CPNE4: variants seen among roughly 807,000 people sequenced by gnomAD.
CPNE4 encodes the protein copine 4.
A neutral mutation model predicts 67.9 loss-of-function variants in CPNE4; 25 were observed. The observed-to-expected ratio is 0.37, with a 90% CI of 0.27 to 0.51. CPNE4 has a LOEUF of 0.51. Among genes scored for constraint, CPNE4 ranks in the 20% least tolerant of loss-of-function variants. CPNE4 has a pLI of 0.93. For synonymous variants in CPNE4, 242 were observed against 244.9 expected, an observed-to-expected ratio of 0.99 and a Z score of 0.11; for missense variants, 464 against 690.8, an observed-to-expected ratio of 0.67 and a Z score of 3.68.
intron 2 of CPNE4, among the ~76,000 whole-genome samples, chr3:131,875,693 AG>A (rs565443092): frequency 7.3e-6 from 1 of 137,140 alleles, no homozygotes; most frequent in Non-Finnish European, 1.6e-5. Context: ...GGGTGGGGGG[AG>A]GGGGGAGGGA....
intron 2 of CPNE4, among the ~76,000 whole-genome samples, chr3:131,730,572 A>T (rs1206876557): frequency 6.6e-6 from 1 of 152,156 alleles, no homozygotes; most frequent in Non-Finnish European, 1.5e-5. Flanking sequence ...TTAACTTAGG[A>T]TAAGGTCATA....
At chr3:131,686,334 A>G (rs1000599019) in intron 5 of CPNE4, among the ~76,000 whole-genome samples, 4 of 152,254 alleles carry the variant, frequency 2.6e-5, no homozygotes, top group African/African-American at 9.6e-5. Flanking sequence ...AAACAGGTTC[A>G]TTATAGTTAT....
chr3:132,000,942 C>G (rs926921815), intron 1 of CPNE4, among the ~76,000 whole-genome samples: 2 of 151,402 alleles, frequency 1.3e-5, no homozygotes, highest in African/African-American at 4.9e-5. Flanking sequence ...TAGAATCAAT[C>G]ACATTTTACA....
chr3:131,709,443 A>G (rs1385030429), intron 3 of CPNE4, among the ~76,000 whole-genome samples: 2 of 152,134 alleles, frequency 1.3e-5, no homozygotes, highest in African/African-American at 2.4e-5. Context: ...TGGGGACCCA[A>G]TCATTTAAAT....
intron 1 of CPNE4, among the ~76,000 whole-genome samples, chr3:131,923,993 C>T (rs889082203): frequency 4.6e-5 from 7 of 152,126 alleles, no homozygotes; most frequent in African/African-American, 7.2e-5. Context: ...CTGACTCTTA[C>T]GTGGCCCAGC....
At chr3:132,035,610 G>A (rs1459154681), upstream of CPNE4, among the ~76,000 whole-genome samples, 1 of 152,094 alleles carries the variant, frequency 6.6e-6, no homozygotes, top group Non-Finnish European at 1.5e-5. Context: ...CTTATGTAAG[G>A]GGTGACCACT....
intron 2 of CPNE4, among the ~76,000 whole-genome samples, chr3:131,763,596 C>G (rs1017773734): frequency 2.0e-5 from 3 of 152,110 alleles, no homozygotes; most frequent in Non-Finnish European, 2.9e-5. Context: ...AATTGTGCTT[C>G]TGGCTCTCTA....
chr3:131,609,835 G>A (rs1461817566), intron 7 of CPNE4, among the ~76,000 whole-genome samples: 1 of 152,006 alleles, frequency 6.6e-6, no homozygotes, highest in Non-Finnish European at 1.5e-5. Context: ...ATAGTAAAAT[G>A]GCTATAGCTT....
chr3:131,556,237 G>C (rs572916326), intron 11 of CPNE4, among the ~76,000 whole-genome samples: 1 of 152,106 alleles, frequency 6.6e-6, no homozygotes, highest in Admixed American at 6.6e-5. Flanking sequence ...AGCTGGGCAT[G>C]GTGGTGCACT....
intron 7 of CPNE4, among the ~76,000 whole-genome samples, chr3:131,640,339 A>G (rs2079508572): frequency 6.6e-6 from 1 of 152,192 alleles, no homozygotes; most frequent in Non-Finnish European, 1.5e-5. Context: ...ATGGATACAA[A>G]TCAGTAGCTC....
intron 2 of CPNE4, among the ~76,000 whole-genome samples, chr3:131,868,032 A>T (rs751061624): frequency 3.9e-5 from 6 of 152,188 alleles, no homozygotes; most frequent in Non-Finnish European, 7.3e-5. Context: ...AGTAGTAATG[A>T]TATTCTAATA....
intron 6 of CPNE4, among the ~76,000 whole-genome samples, chr3:131,671,883 A>G (rs907641422): frequency 1.3e-5 from 2 of 152,020 alleles, no homozygotes; most frequent in Non-Finnish European, 2.9e-5. Flanking sequence ...TGTAGTCACC[A>G]TATTGTTCTG....
intron 5 of CPNE4, among the ~76,000 whole-genome samples, chr3:131,689,096 A>G (rs1045839982): frequency 6.6e-6 from 1 of 152,232 alleles, no homozygotes; most frequent in African/African-American, 2.4e-5. Flanking sequence ...CTGAAAATCT[A>G]TACGCAGCAT....
chr3:131,720,226 A>G lies in CPNE4; in HGVS notation c.360+3220T>C, dbSNP rs867587575. 2.6e-5 allele frequency among the ~76,000 whole-genome samples: 4 copies of G among 151,018 alleles called. No homozygotes were observed. The South Asian group carries it at 8.4e-4, about 32-fold the overall frequency. ...ATTTGGAGTTTGCTACCTGCACAGT[A>G]GGCCAGAAATGTTGGAGGACTGGAG... On this transcript the variant is annotated intron_variant, in intron 3 of 15. Transcript: ENST00000429747.
At chr3:131,864,014 G>C (rs2086814915) in intron 2 of CPNE4, among the ~76,000 whole-genome samples, 1 of 152,026 alleles carries the variant, frequency 6.6e-6, no homozygotes, top group Non-Finnish European at 1.5e-5. Context: ...TCAGATAGTT[G>C]TAGATATGCG....
chr3:132,013,096 G>A (rs573442001), intron 1 of CPNE4, among the ~76,000 whole-genome samples: 10 of 152,210 alleles, frequency 6.6e-5, no homozygotes, highest in Admixed American at 5.9e-4. Context: ...AGGGGTGGAC[G>A]CCTGTAATCC....
At chr3:131,959,531 A>G (rs1015556565) in intron 1 of CPNE4, among the ~76,000 whole-genome samples, 1 of 152,132 alleles carries the variant, frequency 6.6e-6, no homozygotes, top group African/African-American at 2.4e-5. Context: ...TGAGACACCA[A>G]TTTCCTTAAC....
intron 1 of CPNE4, among the ~76,000 whole-genome samples, chr3:131,976,955 C>T (rs1036178198): frequency 6.6e-6 from 1 of 152,050 alleles, no homozygotes; most frequent in Admixed American, 6.6e-5. Flanking sequence ...GCACACACCA[C>T]CATGTCCGGC....
At chr3:131,587,869 G>C (rs1468151270) in intron 7 of CPNE4, among the ~76,000 whole-genome samples, 1 of 152,164 alleles carries the variant, frequency 6.6e-6, no homozygotes, top group Admixed American at 6.5e-5. Flanking sequence ...ACTTGCCAAA[G>C]GGACCTTCTA....
Sources: gnomAD v4.1 joint callset for allele counts (sites outside exome capture counted in the v4.1 genomes callset) on GRCh38, gnomAD v4.1.1 for gene constraint, MANE v1.5 for transcripts, NCBI Gene and HGNC (gene_info 2026-07-23, HGNC 2026-07-21) for gene names.